Variants in NTM observed in about 807,000 individuals in gnomAD.
NTM encodes the protein IgLON family member 2.
In NTM, 13 loss-of-function variants were observed where a neutral mutation model predicts 42.1. The ratio of observed to expected loss-of-function variants is 0.31; its 90% CI spans 0.20 to 0.49. NTM has a LOEUF of 0.49. Among genes scored for constraint, NTM ranks in the 20% least tolerant of loss-of-function variants. The pLI, the probability that NTM is intolerant of heterozygous loss-of-function variation, is 0.99. For synonymous variants in NTM, 187 were observed against 179.2 expected (o/e 1.04, Z -0.35); for missense variants, 373 against 452.8 (o/e 0.82, Z 1.60).
At chr11:132,223,635 A>G (rs1483390483) in intron 4 of NTM, among the ~76,000 whole-genome samples, 1 of 152,198 alleles carries the variant, frequency 6.6e-6, no homozygotes, top group African/African-American at 2.4e-5. Flanking sequence ...ATGTGCACCA[A>G]TGTTTAGCAC....
At chr11:132,238,523 T>TAGAGAGAAGACAGA (rs111911798) in intron 4 of NTM, among the ~76,000 whole-genome samples, 1 of 151,178 alleles carries the variant, frequency 6.6e-6, no homozygotes, top group Non-Finnish European at 1.5e-5. Context: ...CAACCCACAA[T>TAGAGAGAAGACAGA]AGACAGAAGA....
intron 1 of NTM, among the ~76,000 whole-genome samples, chr11:131,751,066 T>C (rs1038943607): frequency 6.6e-6 from 1 of 152,202 alleles, no homozygotes; most frequent in Non-Finnish European, 1.5e-5. Context: ...CTAATCACTC[T>C]TCAGGCCATT....
chr11:132,127,333 C>T (rs143732698), intron 2 of NTM, among the ~76,000 whole-genome samples: 1 of 152,150 alleles, frequency 6.6e-6, no homozygotes, highest in African/African-American at 2.4e-5. Context: ...CCAAATAGAC[C>T]TATTACATAA....
intron 1 of NTM, among the ~76,000 whole-genome samples, chr11:131,583,974 T>C (rs1031581838): frequency 5.9e-5 from 9 of 152,192 alleles, no homozygotes; most frequent in Admixed American, 5.9e-4. Flanking sequence ...TCTCTCCTCC[T>C]GTCTAACAAG....
At chr11:131,941,254 A>G (rs2059760813) in intron 2 of NTM, among the ~76,000 whole-genome samples, 2 of 152,196 alleles carry the variant, frequency 1.3e-5, no homozygotes, top group South Asian at 4.1e-4. Context: ...GAAACCTGTT[A>G]TCCTATATCA....
chr11:131,751,241 C>A (rs1341849143), intron 1 of NTM, among the ~76,000 whole-genome samples: 1 of 152,058 alleles, frequency 6.6e-6, no homozygotes, highest in South Asian at 2.1e-4. Context: ...TGAGACCATC[C>A]TGGCCAACAT....
chr11:132,069,886 A>G (rs2057229221), intron 2 of NTM, among the ~76,000 whole-genome samples: 1 of 150,392 alleles, frequency 6.6e-6, no homozygotes, highest in Non-Finnish European at 1.5e-5. Context: ...TGACCGTCAC[A>G]GGTTAGTTTA....
chr11:131,477,599 C>T (rs1240987481), intron 1 of NTM, among the ~76,000 whole-genome samples: 1 of 151,832 alleles, frequency 6.6e-6, no homozygotes, highest in East Asian at 1.9e-4. Flanking sequence ...AAATCATATC[C>T]ACCCTGTTCT....
At chr11:131,546,070 C>T (rs1052463215) in intron 1 of NTM, among the ~76,000 whole-genome samples, 2 of 152,196 alleles carry the variant, frequency 1.3e-5, no homozygotes, top group Non-Finnish European at 2.9e-5. Flanking sequence ...TTACTTTTAT[C>T]GAAAGAAACA....
At chr11:131,601,713 A>G (rs997266472) in intron 1 of NTM, among the ~76,000 whole-genome samples, 1 of 152,128 alleles carries the variant, frequency 6.6e-6, no homozygotes, top group African/African-American at 2.4e-5. Flanking sequence ...AAGTTTCTCA[A>G]ATTGAATTGT....
chr11:131,685,099 T>C (rs2073655028), intron 1 of NTM, among the ~76,000 whole-genome samples: 1 of 152,206 alleles, frequency 6.6e-6, no homozygotes, highest in African/African-American at 2.4e-5. Context: ...AAACAATAGC[T>C]TCCATAGGTG....
At chr11:131,885,529 G>C (rs1445980325) in intron 1 of NTM, among the ~76,000 whole-genome samples, 2 of 152,154 alleles carry the variant, frequency 1.3e-5, no homozygotes, top group Non-Finnish European at 2.9e-5. Flanking sequence ...AGCATCCCAC[G>C]CTCTTCCTCA....
chr11:131,924,752 C>G (rs1057410122), intron 2 of NTM, among the ~76,000 whole-genome samples: 5 of 152,154 alleles, frequency 3.3e-5, no homozygotes, highest in Non-Finnish European at 5.9e-5. Flanking sequence ...TAAATTATTA[C>G]CTAAAGAAAA....
chr11:132,273,404 C>T (rs1190123110), intron 4 of NTM, among the ~76,000 whole-genome samples: 2 of 136,318 alleles, frequency 1.5e-5, no homozygotes, highest in African/African-American at 2.8e-5. Context: ...GTGATATCTG[C>T]CTGGTCTTGG....
At chr11:132,188,157 A>G (rs920761617) in intron 3 of NTM, among the ~76,000 whole-genome samples, 2 of 152,132 alleles carry the variant, frequency 1.3e-5, no homozygotes, top group African/African-American at 4.8e-5. Flanking sequence ...TGCTACTGGC[A>G]TCTAGTGGGT....
chr11:131,880,304 C>G (rs1565669959), intron 1 of NTM, among the ~76,000 whole-genome samples: 1 of 152,180 alleles, frequency 6.6e-6, no homozygotes, highest in Non-Finnish European at 1.5e-5. Context: ...CCTAGTCATG[C>G]TCAGTTCCAC....
intron 1 of NTM, among the ~76,000 whole-genome samples, chr11:131,725,978 G>C (rs1401130078): frequency 1.3e-5 from 2 of 152,264 alleles, no homozygotes; most frequent in African/African-American, 2.4e-5. Flanking sequence ...TCTGCTACCA[G>C]TCTTGAGGAC....
At chr11:131,535,825 T>C (rs73028107) in intron 1 of NTM, 8,281 of 152,306 alleles carry the variant, frequency 0.054, 270 homozygotes, top group Middle Eastern at 0.11. Flanking sequence ...GACTGACACA[T>C]AGAAACCACG....
intron 2 of NTM, among the ~76,000 whole-genome samples, chr11:131,926,991 C>T (rs1005968765): frequency 6.6e-6 from 1 of 152,108 alleles, no homozygotes. Context: ...TGGCATTTTA[C>T]GATCATGTAT....
Sources: gnomAD v4.1 joint callset for allele counts (sites outside exome capture counted in the v4.1 genomes callset) on GRCh38, gnomAD v4.1.1 for gene constraint, MANE v1.5 for transcripts, NCBI Gene and HGNC (gene_info 2026-07-23, HGNC 2026-07-21) for gene names.